Variants in LINC00305 observed in about 807,000 individuals in gnomAD.
LINC00305 encodes long independently transcribed non-coding RNA 305.
chr18:64,142,621 G>C (rs948940564), intron 1 of LINC00305, among the ~76,000 whole-genome samples: 18 of 152,286 alleles, frequency 1.2e-4, no homozygotes, highest in African/African-American at 4.1e-4. Context: ...CCCTCATGGA[G>C]CATGATACAC....
intron 1 of LINC00305, among the ~76,000 whole-genome samples, chr18:64,119,730 G>C (rs924496731): frequency 1.3e-5 from 2 of 152,114 alleles, no homozygotes; most frequent in African/African-American, 2.4e-5. Context: ...GTCTCCTCTT[G>C]CAGTGGTGAG....
chr18:64,084,268 GT>G (rs1012571658), intron 3 of LINC00305, among the ~76,000 whole-genome samples: 4 of 152,144 alleles, frequency 2.6e-5, no homozygotes, highest in African/African-American at 7.2e-5. Context: ...CAGGGGTGAT[GT>G]TTTTTATCCT....
At chr18:64,096,573 G>A (rs1259299503) in intron 3 of LINC00305, among the ~76,000 whole-genome samples, 2 of 151,736 alleles carry the variant, frequency 1.3e-5, no homozygotes. Flanking sequence ...TAAATGTCGA[G>A]CGTTAACTAT....
At chr18:64,113,698 G>C (rs1047992048) in intron 1 of LINC00305, among the ~76,000 whole-genome samples, 6 of 152,196 alleles carry the variant, frequency 3.9e-5, no homozygotes, top group African/African-American at 1.4e-4. Context: ...AGGATGGCCA[G>C]TAATACTCAA....
chr18:64,143,547 A>G (rs1218173560), intron 1 of LINC00305, among the ~76,000 whole-genome samples: 3 of 85,766 alleles, frequency 3.5e-5, no homozygotes, highest in African/African-American at 1.5e-4. Context: ...ATATATGTAC[A>G]CATATTATGT....
intron 3 of LINC00305, among the ~76,000 whole-genome samples, chr18:64,081,165 A>G (rs1055907260): frequency 6.6e-6 from 1 of 152,226 alleles, no homozygotes; most frequent in Non-Finnish European, 1.5e-5. Context: ...ATAAACTTCA[A>G]GCTTAGCTGT....
At chr18:64,136,570 C>A (rs1463483495) in intron 1 of LINC00305, among the ~76,000 whole-genome samples, 1 of 152,164 alleles carries the variant, frequency 6.6e-6, no homozygotes, top group Non-Finnish European at 1.5e-5. Flanking sequence ...CCTGGTCCCA[C>A]CCTTGACACC....
At chr18:64,112,522 T>C (rs2144251022) in intron 1 of LINC00305, among the ~76,000 whole-genome samples, 1 of 152,268 alleles carries the variant, frequency 6.6e-6, no homozygotes, top group Non-Finnish European at 1.5e-5. Context: ...TGGTGTTTAT[T>C]TTTATTGAGA....
At chr18:64,115,564 C>T (rs1349466596) in intron 1 of LINC00305, among the ~76,000 whole-genome samples, 1 of 152,080 alleles carries the variant, frequency 6.6e-6, no homozygotes, top group Non-Finnish European at 1.5e-5. Flanking sequence ...ATTTTATGTA[C>T]TAAGATATTA....
chr18:64,098,049 C>G (rs973749354), intron 2 of LINC00305: 1 of 454,324 alleles, frequency 2.2e-6, no homozygotes, highest in East Asian at 7.0e-5. Flanking sequence ...TAACCAACAA[C>G]AAAATTAAAG....
intron 3 of LINC00305, among the ~76,000 whole-genome samples, chr18:64,094,900 AAG>A (rs1213197565): frequency 1.8e-5 from 2 of 112,820 alleles, no homozygotes; most frequent in African/African-American, 4.0e-5. Context: ...AATAAAATAA[AAG>A]AATTTCTTTC....
chr18:64,114,148 C>T (rs374622997), intron 1 of LINC00305, among the ~76,000 whole-genome samples: 4 of 152,086 alleles, frequency 2.6e-5, no homozygotes, highest in Admixed American at 2.0e-4. Context: ...CGGGCGCCTG[C>T]AGTCCCAGCT....
intron 1 of LINC00305, among the ~76,000 whole-genome samples, chr18:64,133,036 C>CT (rs2051417007): frequency 6.6e-6 from 1 of 152,174 alleles, no homozygotes; most frequent in Admixed American, 6.5e-5. Context: ...ATGGCAGAAG[C>CT]TCAGCCAGAA....
intron 3 of LINC00305, among the ~76,000 whole-genome samples, chr18:64,091,243 T>C (rs1490884767): frequency 2.0e-5 from 3 of 152,212 alleles, no homozygotes. Flanking sequence ...TGCTTACTGA[T>C]AGACATAATA....
chr18:64,121,697 C>T (rs2051362806), intron 1 of LINC00305, among the ~76,000 whole-genome samples: 1 of 152,050 alleles, frequency 6.6e-6, no homozygotes, highest in Non-Finnish European at 1.5e-5. Context: ...TTTTCCTGTG[C>T]ATAGACACCC....
rs983721831 is a variant in LINC00305, at chr18:64,101,888, A to T, written n.315-3248T>A. Among the ~76,000 whole-genome samples, 5 of 152,316 alleles carry T rather than the reference A, an allele frequency of 3.3e-5. No individual in the cohort carries two copies. The South Asian group carries it at 1.0e-3, about 32-fold the overall frequency. On this transcript the variant is annotated intron_variant and non_coding_transcript_variant, in intron 1 of 3. Coordinates refer to ENST00000666468, the Ensembl canonical transcript of LINC00305. ...CCACATGGTAGGTTGTAGCCTACAA[A>T]TGAATATGGCTGCTTGAATGTGGCT...
chr18:64,141,347 G>T (rs952093096), intron 1 of LINC00305, among the ~76,000 whole-genome samples: 2 of 152,162 alleles, frequency 1.3e-5, no homozygotes, highest in African/African-American at 4.8e-5. Flanking sequence ...ATTAGATGGA[G>T]AAGTACAAAG....
At chr18:64,138,056 C>A (rs2051443553) in intron 1 of LINC00305, among the ~76,000 whole-genome samples, 1 of 152,126 alleles carries the variant, frequency 6.6e-6, no homozygotes, top group Non-Finnish European at 1.5e-5. Flanking sequence ...GAAAACAAAA[C>A]AAGATTGCTG....
chr18:64,145,836 C>G (rs2051495181), intron 1 of LINC00305, among the ~76,000 whole-genome samples: 1 of 152,084 alleles, frequency 6.6e-6, no homozygotes, highest in Non-Finnish European at 1.5e-5. Context: ...TAATCATATG[C>G]CTATATAATG....
Sources: allele counts gnomAD v4.1 joint callset (sites outside exome capture counted in the v4.1 genomes callset), GRCh38; gene constraint gnomAD v4.1.1; transcripts MANE v1.5; gene names NCBI Gene and HGNC (gene_info 2026-07-23, HGNC 2026-07-21).